Variants in FRMPD4 observed in about 807,000 individuals in gnomAD.
FRMPD4 encodes FERM and PDZ domain-containing protein 4.
Under a neutral mutation model 94.1 loss-of-function variants are expected in FRMPD4, and 22 were observed. The ratio of observed to expected loss-of-function variants is 0.23; its 90% CI spans 0.17 to 0.33. The LOEUF is 0.33. Ranked by LOEUF, FRMPD4 falls within the 10% of genes least tolerant of loss-of-function variation. FRMPD4 has a pLI of 1.00. For missense variants in FRMPD4, 1,111 were observed against 1,339.9 expected (o/e 0.83, Z 2.67); for synonymous variants, 631 against 548.6 (o/e 1.15, Z -2.10).
intron 3 of FRMPD4, among the ~76,000 whole-genome samples, chrX:12,613,010 C>T (rs2059198074): frequency 8.9e-6 from 1 of 111,882 alleles, no homozygotes; most frequent in African/African-American, 3.2e-5. Context: ...TAGAGAACAA[C>T]TGAATTACTT....
chrX:11,896,629 A>G (rs2053905571), intron 3 of FRMPD4, among the ~76,000 whole-genome samples: 1 of 111,958 alleles, frequency 8.9e-6, no homozygotes, highest in Admixed American at 9.5e-5. Context: ...TCTGTTGCTT[A>G]TAAGGCACCC....
chrX:12,472,404 C>T (rs1011238641), intron 1 of FRMPD4, among the ~76,000 whole-genome samples: 7 of 112,394 alleles, frequency 6.2e-5, no homozygotes, highest in Non-Finnish European at 1.1e-4. Context: ...TGCTCTTAAA[C>T]AACGACTTGT....
In FRMPD4 at chrX:12,609,803, A is replaced by C; in HGVS notation, c.241A>C (p.Met81Leu). Residue 81 changes from methionine to leucine, a missense_variant, in exon 3 of 17, where the codon ATG becomes CTG. Physicochemically the swap from Met to Leu is conservative, Grantham distance 15. Coordinates refer to ENST00000675598, the MANE Select transcript of FRMPD4 (RefSeq NM_001368397.1). Reference protein sequence around the residue: ...IIPPAPRKVEMRRDPVLGFGF... With the variant: ...IIPPAPRKVELRRDPVLGFGF... ...CCCTCCGGCTCCTCGGAAGGTGGAG[A>C]TGAGAAGGGACCCCGTGCTGGGATT... 8.3e-7 allele frequency: 1 copy of C among 1,210,008 alleles called. No homozygotes were observed. The highest frequency in any genetic ancestry group is 1.1e-6 in the Non-Finnish European group (1 of 894,223).
chrX:12,117,411 C>T (rs940450983), intron 3 of FRMPD4, among the ~76,000 whole-genome samples: 5 of 110,372 alleles, frequency 4.5e-5, no homozygotes, highest in Admixed American at 9.7e-5. Context: ...TAATGTTGCC[C>T]GTAGAGTCTA....
At chrX:12,456,359 T>C (rs182553104) in intron 1 of FRMPD4, among the ~76,000 whole-genome samples, 1 of 111,592 alleles carries the variant, frequency 9.0e-6, no homozygotes, top group Admixed American at 9.5e-5. Context: ...TCCTACCAGC[T>C]TGGGAGAGTC....
chrX:12,443,030 C>T (rs755805695), intron 1 of FRMPD4, among the ~76,000 whole-genome samples: 1 of 111,397 alleles, frequency 9.0e-6, no homozygotes, highest in Non-Finnish European at 1.9e-5. Flanking sequence ...CCAGAATAGG[C>T]AAATCCACAG....
chrX:11,841,693 AGGTTGCCT>A (rs1255293403), intron 1 of FRMPD4, among the ~76,000 whole-genome samples: 1 of 108,939 alleles, frequency 9.2e-6, no homozygotes, highest in African/African-American at 3.4e-5. Flanking sequence ...CCCATGTTGT[AGGTTGCCT>A]GTTCACTCTG....
chrX:12,108,872 A>C (rs941557151), intron 3 of FRMPD4, among the ~76,000 whole-genome samples: 5 of 112,214 alleles, frequency 4.5e-5, no homozygotes, highest in Non-Finnish European at 7.5e-5. Context: ...AGAAGACCTA[A>C]GTATCCTAAA....
intron 1 of FRMPD4, among the ~76,000 whole-genome samples, chrX:12,489,669 G>T (rs1488827815): frequency 8.9e-6 from 1 of 112,104 alleles, no homozygotes; most frequent in Non-Finnish European, 1.9e-5. Flanking sequence ...CAATACACAG[G>T]TTCCATATTA....
chrX:12,015,541 G>C lies in FRMPD4; in HGVS notation c.95+137523G>C, dbSNP rs373004743. Among the ~76,000 whole-genome samples, 61 of 111,573 alleles carry C rather than the reference G, an allele frequency of 5.5e-4. 2 individuals carry two copies. In the South Asian group the frequency reaches 0.023, roughly 41 times the overall value. On this transcript the variant is annotated intron_variant, in intron 3 of 18. Coordinates refer to the FRMPD4 transcript ENST00000640291. ...TGTCACCAGATAGCTTACATATTTT[G>C]CTCCTTTTATTCTATCTAAAATAAT...
At chrX:12,640,871 C>G (rs890491378) in intron 4 of FRMPD4, among the ~76,000 whole-genome samples, 1 of 111,133 alleles carries the variant, frequency 9.0e-6, no homozygotes, top group Non-Finnish European at 1.9e-5. Flanking sequence ...AAAGTTTACC[C>G]AAAGTATGAC....
rs1205042313 is a variant in FRMPD4, at chrX:12,568,839, AC to A, written c.159-40881del. ...AATATGGTTCATCTACAAGGAAGATACGCATTTCAGAGTTACATGTTCTATA... is the reference window on the plus strand; with the variant it reads ...AATATGGTTCATCTACAAGGAAGATAGCATTTCAGAGTTACATGTTCTATA... On this transcript the variant is annotated intron_variant, in intron 2 of 16. Transcript: ENST00000675598. Among the ~76,000 whole-genome samples the A allele has an allele frequency of 2.4e-4, 27 of 111,820 alleles. No homozygotes were observed. In the Admixed American group the frequency reaches 2.6e-3, roughly 11 times the overall value.
intron 1 of FRMPD4, among the ~76,000 whole-genome samples, chrX:12,304,224 G>T (rs1387840562): frequency 9.0e-6 from 1 of 111,646 alleles, no homozygotes; most frequent in South Asian, 3.8e-4. Context: ...TTCTGATACT[G>T]AGAAACTAAG....
intron 2 of FRMPD4, among the ~76,000 whole-genome samples, chrX:12,524,270 T>A (rs1417328000): frequency 8.9e-6 from 1 of 112,392 alleles, no homozygotes; most frequent in Non-Finnish European, 1.9e-5. Flanking sequence ...TGGACTGGAA[T>A]CTCCTGTTTT....
chrX:11,888,879 T>C (rs918943518), intron 3 of FRMPD4, among the ~76,000 whole-genome samples: 14 of 112,559 alleles, frequency 1.2e-4, no homozygotes, highest in Non-Finnish European at 2.3e-4. Context: ...AAAATGGTGC[T>C]GATAAAGTTG....
chrX:12,530,994 G>A (rs753827193), intron 2 of FRMPD4, among the ~76,000 whole-genome samples: 3 of 111,246 alleles, frequency 2.7e-5, no homozygotes, highest in Non-Finnish European at 5.7e-5. Flanking sequence ...AGGGATAGAG[G>A]ACAGAACGGA....
rs138975138 is a variant in FRMPD4 at position 12,262,483 on chromosome X, C to T, written c.41+123471C>T. On this transcript the variant is annotated intron_variant, in intron 1 of 16. Coordinates refer to ENST00000675598, the MANE Select transcript of FRMPD4 (RefSeq NM_001368397.1). ...CCCTTGTCATCCTTGTGGCTTTAGACGAGGCACTTAATTTCTCTGATATTA... is the reference window on the plus strand; with the variant it reads ...CCCTTGTCATCCTTGTGGCTTTAGATGAGGCACTTAATTTCTCTGATATTA... Among the ~76,000 whole-genome samples, 617 of 111,082 alleles carry T rather than the reference C, an allele frequency of 5.6e-3. 3 individuals are homozygous for T. Among genetic ancestry groups the T allele is most frequent in the African/African-American group, 0.018 (550 of 30,543 alleles).
intron 1 of FRMPD4, among the ~76,000 whole-genome samples, chrX:12,392,121 C>A (rs897637532): frequency 1.8e-5 from 2 of 109,120 alleles, no homozygotes; most frequent in South Asian, 8.3e-4. Context: ...GCAACCTCTG[C>A]CCCCACTCCC....
chrX:12,453,625 T>G (rs2057298591), intron 1 of FRMPD4, among the ~76,000 whole-genome samples: 1 of 111,674 alleles, frequency 9.0e-6, no homozygotes, highest in South Asian at 3.8e-4. Flanking sequence ...TACAGGAAGT[T>G]TGGGTTTCCC....
Sources: allele counts gnomAD v4.1 joint callset (sites outside exome capture counted in the v4.1 genomes callset), GRCh38; gene constraint gnomAD v4.1.1; transcripts MANE v1.5; gene names NCBI Gene and HGNC (gene_info 2026-07-23, HGNC 2026-07-21).